IL11RA: variants seen among roughly 807,000 people sequenced by gnomAD.
The protein encoded by IL11RA is interleukin-11 receptor subunit alpha.
A neutral mutation model predicts 57.0 loss-of-function variants in IL11RA; 51 were observed. The ratio of observed to expected loss-of-function variants is 0.89; its 90% CI spans 0.71 to 1.13. The LOEUF (loss-of-function observed/expected upper bound fraction) is 1.13. Ranked by LOEUF, IL11RA falls within the 50% of genes most tolerant of loss-of-function variation. The pLI is 0.00. For synonymous variants in IL11RA, 199 were observed against 217.5 expected, an observed-to-expected ratio of 0.91 and a Z score of 0.75; for missense variants, 498 against 539.4, an observed-to-expected ratio of 0.92 and a Z score of 0.76.
chr9:34,660,704 C>A, intron 11 of IL11RA, 104 bp downstream of exon 11: 1 of 1,229,994 alleles, frequency 8.1e-7, no homozygotes, highest in Non-Finnish European at 1.2e-6. Flanking sequence ...CTGAACCTGT[C>A]TGATTCTGGA....
rs1330934938 is a variant in IL11RA, at chr9:34,657,123, ACC to A, written c.422_423del (p.Pro141HisfsTer16). 6.2e-7 allele frequency: 1 copy of A among 1,613,838 alleles called. No individual in the cohort carries two copies. The highest frequency in any genetic ancestry group is 1.3e-5 in the African/African-American group (1 of 74,864). On this transcript the variant is annotated frameshift_variant, in exon 5 of 13. Transcript: ENST00000441545. LOFTEE classifies it high-confidence loss of function. ...TWSPSQISGLPTRYLTSYRKK... is the reference protein window; with the variant it reads ...TWSPSQISGLXTRYLTSYRKK... ...GGAGTCCCAGCCAGATCAGCGGTTT[ACC>A]CACCCGCTACCTCACCTCCTACAGG...
intron 8 of IL11RA, among the ~76,000 whole-genome samples, chr9:34,659,447 T>G (rs973437174): frequency 1.3e-5 from 2 of 152,198 alleles, no homozygotes; most frequent in Non-Finnish European, 2.9e-5. Context: ...CATTGTTTTG[T>G]TTAGGTAGAT....
At chr9:34,654,591 C>T (rs1587244552) in intron 1 of IL11RA, among the ~76,000 whole-genome samples, 1 of 152,180 alleles carries the variant, frequency 6.6e-6, no homozygotes, top group African/African-American at 2.4e-5. Flanking sequence ...TGGAGACCAA[C>T]GAAGTGTCAA....
chr9:34,655,786 G>A (rs1333467738), intron 3 of IL11RA, 121 bp downstream of exon 3: 4 of 815,484 alleles, frequency 4.9e-6, no homozygotes, highest in South Asian at 4.3e-5. Flanking sequence ...CTCTCTATCT[G>A]TCCTAACCGT....
rs1201940932 is a variant in IL11RA at position 34,655,297 on chromosome 9, C to T, written c.80C>T (p.Pro27Leu). 2.5e-6 allele frequency: 4 copies of T among 1,608,180 alleles called. No individual in the cohort carries two copies. Among genetic ancestry groups the T allele is most frequent in the South Asian group, 2.2e-5 (2 of 90,250 alleles). The change falls in exon 2 of 13, where the codon CCC becomes CTC. Residue 27 changes from proline to leucine, a missense_variant. Physicochemically the swap from Pro to Leu is moderately conservative, Grantham distance 98. Coordinates refer to ENST00000441545, the MANE Select transcript of IL11RA (RefSeq NM_001142784.3). Reference sequence around the variant, plus strand: ...CTGGTGTCTGCCTCCTCCCCCTGCCCCCAGGCCTGGGGCCCCCCAGGTGAG... The same window carrying T: ...CTGGTGTCTGCCTCCTCCCCCTGCCTCCAGGCCTGGGGCCCCCCAGGTGAG... ...TALVSASSPC[P>L]QAWGPPGVQY...
Position 34,659,783 on chromosome 9 carries a change from G to A in IL11RA, c.835G>A (p.Val279Met), listed in dbSNP as rs1411623860. The change falls in exon 9 of 13, where the codon GTG becomes ATG. Residue 279 changes from valine (V) to methionine (M), a missense_variant. Physicochemically the swap from Val to Met is conservative, Grantham distance 21. Coordinates refer to ENST00000441545, the MANE Select transcript of IL11RA (RefSeq NM_001142784.3). ...STVEPAGLEE[V>M]ITDAVAGLPH... is the part of the protein sequence containing the mutation. ...GGTGGAGCCAGCTGGACTGGAGGAG[G>A]TGATCACAGATGCTGTGGCTGGGCT... The A allele has an allele frequency of 3.1e-6, 5 of 1,614,090 alleles. No individual in the cohort carries two copies. Among genetic ancestry groups the A allele is most frequent in the Middle Eastern group, 1.6e-4 (1 of 6,084 alleles).
At chr9:34,655,381 C>A in intron 2 of IL11RA, 64 bp downstream of exon 2, 2 of 1,046,412 alleles carry the variant, frequency 1.9e-6, no homozygotes, top group Non-Finnish European at 2.9e-6. Flanking sequence ...CTCACTGTGG[C>A]CCCTTCCCAT....
chr9:34,660,792 C>T, intron 11 of IL11RA, 62 bp from the exon 12 acceptor site: 2 of 1,451,724 alleles, frequency 1.4e-6, no homozygotes, highest in Non-Finnish European at 1.9e-6. Context: ...ACTAATAAAC[C>T]CTTTGGCGGA....
rs137972337 is a variant in IL11RA at position 34,657,043 on chromosome 9, G to T, written c.340G>T (p.Ala114Ser). The T allele has an allele frequency of 6.2e-7, 1 of 1,613,968 alleles. No homozygotes were observed. The highest frequency in any genetic ancestry group is 1.3e-5 in the African/African-American group (1 of 74,898). ...TVTLQLGYPP[A>S]RPVVSCQAAD... ...GTACCCTCTGCCTCTAGACCCTCCA[G>T]CCCGCCCTGTTGTCTCCTGCCAAGC... Residue 114 changes from alanine (A) to serine (S), a missense_variant, in exon 5 of 13, where the codon GCC (alanine) becomes TCC (serine). Coordinates refer to ENST00000441545, the MANE Select transcript of IL11RA (RefSeq NM_001142784.3).
At position 34,661,897 on chromosome 9, in the gene IL11RA, C is replaced by T. The variant is rs1202324747; in HGVS notation, c.*399C>T. On this transcript the variant is annotated 3_prime_UTR_variant, in exon 13 of 13. Transcript: ENST00000441545. ...TAAGGAAGTTCTTGGAGATTATACTCAGAAATTATTATCCAATGCTGCTTT... is the reference window on the plus strand; with the variant it reads ...TAAGGAAGTTCTTGGAGATTATACTTAGAAATTATTATCCAATGCTGCTTT... The T allele has an allele frequency of 6.2e-7, 1 of 1,604,162 alleles. No individual in the cohort carries two copies. Among genetic ancestry groups the T allele is most frequent in the East Asian group, 2.2e-5 (1 of 44,762 alleles).
rs754749137 is a variant in IL11RA, at chr9:34,655,206, C to G, written c.1-12C>G. ...AGGGGTCGGGGATTTTTGACTCTAC[C>G]TCTCCCCACAGATGAGCAGCAGCTG... is the stretch of plus-strand genomic sequence containing the variant. On this transcript the variant is annotated splice_polypyrimidine_tract_variant and intron_variant, in intron 1 of 12. Coordinates refer to ENST00000441545, the MANE Select transcript of IL11RA (RefSeq NM_001142784.3). 1.8e-5 allele frequency: 28 copies of G among 1,593,662 alleles called. No individual in the cohort carries two copies. Among genetic ancestry groups the G allele is most frequent in the East Asian group, 2.2e-5 (1 of 44,670 alleles).
Position 34,659,878 on chromosome 9 carries a change from G to C in IL11RA, c.930G>C (p.Glu310Asp). The stretch of plus-strand genomic sequence containing the variant: ...GCACCTGGAGCACCTGGAGCCCGGA[G>C]GCCTGGGGAACTCCGAGCACTGGTG... ...DAGTWSTWSP[E>D]AWGTPSTGTI... is the part of the protein sequence containing the mutation. Residue 310 changes from glutamate to aspartate, a missense_variant, in exon 9 of 13, where the codon GAG becomes GAC. Transcript: ENST00000441545. The C allele has an allele frequency of 6.2e-7, 1 of 1,614,210 alleles. No homozygotes were observed. The highest frequency in any genetic ancestry group is 8.5e-7 in the Non-Finnish European group (1 of 1,180,030).
In IL11RA at chr9:34,659,795, G is replaced by A; in HGVS notation, c.847G>A (p.Ala283Thr). 6.2e-7 allele frequency: 1 copy of A among 1,614,214 alleles called. No homozygotes were observed. The highest frequency in any genetic ancestry group is 8.5e-7 in the Non-Finnish European group (1 of 1,180,024). ...PAGLEEVITD[A>T]VAGLPHAVRV... ...TGGACTGGAGGAGGTGATCACAGAT[G>A]CTGTGGCTGGGCTGCCCCATGCTGT... The change falls in exon 9 of 13, where the codon GCT becomes ACT. Residue 283 changes from alanine (A) to threonine (T), a missense_variant. Coordinates refer to ENST00000441545, the MANE Select transcript of IL11RA (RefSeq NM_001142784.3).
At position 34,658,252 on chromosome 9, in the gene IL11RA, C is replaced by T. The variant is rs1031617431; in HGVS notation, c.647-268C>T. 4.6e-5 allele frequency among the ~76,000 whole-genome samples: 7 copies of T among 152,116 alleles called. No individual in the cohort carries two copies. Among genetic ancestry groups the T allele is most frequent in the Admixed American group, 2.6e-4 (4 of 15,264 alleles). ...AGACAGGGTTTTGCTACGTTGCCCACGCTGGTCTCAAACTCGTGGCATCAA... is the reference window on the plus strand; with the variant it reads ...AGACAGGGTTTTGCTACGTTGCCCATGCTGGTCTCAAACTCGTGGCATCAA... On this transcript the variant is annotated intron_variant, in intron 7 of 12. Coordinates refer to ENST00000441545, the MANE Select transcript of IL11RA (RefSeq NM_001142784.3). The surrounding 1 kb of genome is among the most constrained non-coding windows in gnomAD (Gnocchi z 4.0).
intron 8 of IL11RA, 126 bp from the exon 9 acceptor site, chr9:34,659,633 A>T: frequency 1.7e-6 from 2 of 1,165,502 alleles, no homozygotes; most frequent in Admixed American, 1.7e-5. Flanking sequence ...GACACCCAAC[A>T]TGAGACCTAG....
At chr9:34,659,200 G>A (rs536308231) in intron 8 of IL11RA, among the ~76,000 whole-genome samples, 54 of 152,282 alleles carry the variant, frequency 3.5e-4, no homozygotes, top group Admixed American at 7.2e-4. Flanking sequence ...TGGGATTACA[G>A]GTGTGAGCCA....
At position 34,657,493 on chromosome 9, in the gene IL11RA, G is replaced by A; in HGVS notation, c.552G>A (p.Gly184=). 1 of 1,614,174 alleles carries A rather than the reference G, an allele frequency of 6.2e-7. No homozygotes were observed. Among genetic ancestry groups the A allele is most frequent in the Non-Finnish European group, 8.5e-7 (1 of 1,180,022 alleles). The change falls in exon 7 of 13, where the codon GGG becomes GGA. Residue 184 remains glycine, a synonymous_variant. Transcript: ENST00000441545. The part of the protein sequence containing the change: ...PLGAARCVVH[G]AEFWSQYRIN... Reference sequence around the variant, plus strand: ...GGGCTGCCCGCTGTGTTGTCCACGGGGCTGAGTTCTGGAGCCAGTACCGGA... The same window carrying A: ...GGGCTGCCCGCTGTGTTGTCCACGGAGCTGAGTTCTGGAGCCAGTACCGGA...
chr9:34,655,489 T>G (rs1821325949), intron 2 of IL11RA, 116 bp from the exon 3 acceptor site: 1 of 952,580 alleles, frequency 1.0e-6, no homozygotes, highest in African/African-American at 1.6e-5. Flanking sequence ...ACATGATGCT[T>G]TGATCCAGTG....
chr9:34,661,830 C>T lies in IL11RA; in HGVS notation c.*332C>T, dbSNP rs1279216907. 1.6e-6 allele frequency: 2 copies of T among 1,285,198 alleles called. No homozygotes were observed. Among genetic ancestry groups the T allele is most frequent in the Non-Finnish European group, 2.2e-6 (2 of 913,170 alleles). 79.6% of individuals were successfully genotyped at this position (1,285,198 alleles called of 1,614,324 possible). On this transcript the variant is annotated 3_prime_UTR_variant, in exon 13 of 13. Coordinates refer to ENST00000441545, the MANE Select transcript of IL11RA (RefSeq NM_001142784.3). ...GTGTGTGTGGGTCCTTGGCTCTTGG[C>T]CTTTCCCCTTGCAGGGGTTGTGCAG...
Sources: gnomAD v4.1 joint callset for allele counts (sites outside exome capture counted in the v4.1 genomes callset) on GRCh38, gnomAD v4.1.1 for gene constraint, Gnocchi (gnomAD v3.1) non-coding constraint, MANE v1.5 for transcripts, NCBI Gene and HGNC (gene_info 2026-07-23, HGNC 2026-07-21) for gene names.